The following COL4A1 variants were observed in gnomAD, a reference collection of about 807,000 sequenced individuals.
COL4A1 encodes the protein collagen type IV alpha 1 chain.
COL4A1 carries 40 observed loss-of-function variants against 216.6 expected under a neutral mutation model. The ratio of observed to expected loss-of-function variants is 0.18; its 90% confidence interval spans 0.14 to 0.24. COL4A1 has a LOEUF of 0.24. Ranked by LOEUF, COL4A1 falls within the 10% of genes least tolerant of loss-of-function variation. COL4A1 has a pLI of 1.00. For synonymous variants in COL4A1, 839 were observed against 810.7 expected (o/e 1.03, Z -0.59); for missense variants, 1,628 against 2,196.8 (o/e 0.74, Z 5.18).
chr13:110,206,973 A>T (rs1267091850), intron 13 of COL4A1, 82 bp from the exon 14 acceptor site: 2 of 1,434,444 alleles, frequency 1.4e-6, no homozygotes, highest in Non-Finnish European at 1.9e-6. Flanking sequence ...ACAGCAGAAA[A>T]AAAAAAAACC....
chr13:110,265,087 A>T (rs1367087219), intron 1 of COL4A1, among the ~76,000 whole-genome samples: 1 of 152,098 alleles, frequency 6.6e-6, no homozygotes, highest in East Asian at 1.9e-4. Context: ...ACTGCTAGAG[A>T]CCTTCTCGCT....
intron 28 of COL4A1, among the ~76,000 whole-genome samples, chr13:110,182,500 A>G (rs1014692110): frequency 6.6e-6 from 1 of 152,246 alleles, no homozygotes; most frequent in Admixed American, 6.5e-5. Context: ...AGTAGACCTA[A>G]GAAATGTGAA....
chr13:110,204,692 G>A (rs1017149210), intron 17 of COL4A1, among the ~76,000 whole-genome samples: 9 of 147,516 alleles, frequency 6.1e-5, no homozygotes, highest in African/African-American at 1.5e-4. Context: ...AAGGGCCCTG[G>A]TCTGGCAGAA....
intron 21 of COL4A1, 32 bp from the exon 22 acceptor site, chr13:110,195,150 T>C (rs371062997): frequency 2.6e-4 from 410 of 1,587,918 alleles, no homozygotes; most frequent in Non-Finnish European, 2.9e-4. Flanking sequence ...TATAGGATCA[T>C]AGCTAGGTGT....
chr13:110,166,849 G>C (rs1877368336), intron 44 of COL4A1, among the ~76,000 whole-genome samples: 1 of 152,124 alleles, frequency 6.6e-6, no homozygotes, highest in African/African-American at 2.4e-5. Context: ...TGGGGAGCTG[G>C]TAAGCAGCCC....
intron 24 of COL4A1, among the ~76,000 whole-genome samples, chr13:110,189,188 C>T (rs552921460): frequency 1.3e-5 from 2 of 152,172 alleles, no homozygotes; most frequent in Non-Finnish European, 2.9e-5. Context: ...CTCAGCCTTC[C>T]GAGCAGCTGG....
chr13:110,205,197 CA>C (rs1228487017), intron 17 of COL4A1, 155 bp downstream of exon 17: 5 of 811,432 alleles, frequency 6.2e-6, no homozygotes, highest in Non-Finnish European at 9.9e-6. Context: ...AAATCATGAA[CA>C]TAAAGGAAAC....
intron 49 of COL4A1, among the ~76,000 whole-genome samples, chr13:110,157,079 T>G (rs891148722): frequency 1.3e-5 from 2 of 152,178 alleles, no homozygotes; most frequent in African/African-American, 4.8e-5. Context: ...GGCTGAGGGA[T>G]TCAAGGGTCC....
chr13:110,165,083 A>G (rs1877275790), intron 45 of COL4A1, 93 bp from the exon 46 acceptor site: 2 of 1,537,152 alleles, frequency 1.3e-6, no homozygotes, highest in African/African-American at 1.4e-5. Context: ...AAGCTATCCA[A>G]ATGGAACGTA....
At chr13:110,152,153 T>C (rs1876526459) in intron 51 of COL4A1, among the ~76,000 whole-genome samples, 181 bp downstream of exon 51, 1 of 152,186 alleles carries the variant, frequency 6.6e-6, no homozygotes, top group Non-Finnish European at 1.5e-5. Context: ...AAATTAAACC[T>C]GTGACTGAAG....
At chr13:110,155,744 C>T (rs1047139420) in intron 49 of COL4A1, among the ~76,000 whole-genome samples, 1 of 152,164 alleles carries the variant, frequency 6.6e-6, no homozygotes, top group Admixed American at 6.5e-5. Flanking sequence ...AACGCTGTCT[C>T]TACTAAAAAT....
At chr13:110,153,104 A>G (rs1876587984) in intron 50 of COL4A1, among the ~76,000 whole-genome samples, 1 of 152,240 alleles carries the variant, frequency 6.6e-6, no homozygotes, top group African/African-American at 2.4e-5. Flanking sequence ...CTTAAAATGA[A>G]TGACATACAA....
At chr13:110,302,513 G>A (rs75269355) in intron 1 of COL4A1, among the ~76,000 whole-genome samples, 3,823 of 152,254 alleles carry the variant, frequency 0.025, 63 homozygotes, top group Middle Eastern at 0.075. Context: ...CCCACACTGA[G>A]GGGCATGGGA....
intron 1 of COL4A1, among the ~76,000 whole-genome samples, chr13:110,287,983 G>A (rs369694448): frequency 1.1e-4 from 16 of 152,146 alleles, no homozygotes; most frequent in Middle Eastern, 3.4e-3. Context: ...TGGTCTGGGC[G>A]CGGTGGCTCA....
chr13:110,158,781 C>T (rs563026728), intron 49 of COL4A1, among the ~76,000 whole-genome samples: 5 of 124,780 alleles, frequency 4.0e-5, no homozygotes, highest in African/African-American at 1.7e-4. Flanking sequence ...TTGCTCTTGT[C>T]GCCTAGGCTG....
intron 2 of COL4A1, among the ~76,000 whole-genome samples, chr13:110,233,531 A>G (rs538486122): frequency 6.6e-6 from 1 of 152,284 alleles, no homozygotes; most frequent in South Asian, 2.1e-4. Context: ...AGCTAGACCA[A>G]GCAAGGCTGG....
At chr13:110,158,873 GCTGGGATTACAGGCATGTAACACCACA>G (rs1876929492) in intron 49 of COL4A1, among the ~76,000 whole-genome samples, 2 of 151,766 alleles carry the variant, frequency 1.3e-5, no homozygotes, top group South Asian at 4.2e-4. Context: ...CTCCTGAGTA[GCTGGGATTACAGGCATGTAACACCACA>G]CCCAGCTAAT....
chr13:110,269,027 G>C (rs1372114561), intron 1 of COL4A1, among the ~76,000 whole-genome samples: 2 of 152,188 alleles, frequency 1.3e-5, no homozygotes, highest in Non-Finnish European at 2.9e-5. Flanking sequence ...AACTGATCCA[G>C]GCTCACCACG....
chr13:110,245,872 C>T (rs979590647), intron 1 of COL4A1, among the ~76,000 whole-genome samples: 1 of 152,148 alleles, frequency 6.6e-6, no homozygotes, highest in African/African-American at 2.4e-5. Flanking sequence ...CTAAGGAACA[C>T]TGGGGAAAAT....
Sources: gnomAD v4.1 joint callset for allele counts (sites outside exome capture counted in the v4.1 genomes callset) on GRCh38, gnomAD v4.1.1 for gene constraint, MANE v1.5 for transcripts, NCBI Gene and HGNC (gene_info 2026-07-23, HGNC 2026-07-21) for gene names.